The following LRP1B variants were observed in gnomAD, a reference collection of about 807,000 sequenced individuals.
LRP1B encodes LDL receptor related protein 1B.
Under a neutral mutation model 556.6 loss-of-function variants are expected in LRP1B, and 217 were observed. The observed-to-expected ratio is 0.39, with a 90% CI of 0.35 to 0.44. The LOEUF (loss-of-function observed/expected upper bound fraction) is 0.44, where lower values mean the gene tolerates loss of function less well. Ranked by LOEUF, LRP1B falls within the 20% of genes least tolerant of loss-of-function variation. The probability of loss-of-function intolerance (pLI) is 1.00; values close to 1 mark genes in which losing one functional copy is unlikely to be tolerated. For missense variants in LRP1B, 5,053 were observed against 5,620.8 expected (o/e 0.90, Z 3.23); for synonymous variants, 2,047 against 1,865.8 (o/e 1.10, Z -2.50).
chr2:141,810,912 A>C (rs17815364), intron 1 of LRP1B, among the ~76,000 whole-genome samples: 15,169 of 152,034 alleles, frequency 0.1, 836 homozygotes, highest in Middle Eastern at 0.17. Context: ...TGGATACCCA[A>C]TATCACAGTA....
intron 2 of LRP1B, among the ~76,000 whole-genome samples, chr2:141,652,098 C>T (rs1689813417): frequency 6.6e-6 from 1 of 152,158 alleles, no homozygotes; most frequent in African/African-American, 2.4e-5. Context: ...TTACCAGATA[C>T]AGGTCCCAAG....
chr2:140,630,134 A>G (rs1040294995), intron 41 of LRP1B, among the ~76,000 whole-genome samples: 2 of 152,184 alleles, frequency 1.3e-5, no homozygotes, highest in Non-Finnish European at 2.9e-5. Context: ...GGAACTTGTC[A>G]GAAATGCAAA....
intron 6 of LRP1B, among the ~76,000 whole-genome samples, chr2:141,192,762 A>G (rs1362468294): frequency 6.6e-6 from 1 of 151,930 alleles, no homozygotes; most frequent in Non-Finnish European, 1.5e-5. Flanking sequence ...TGAAATATCG[A>G]TAACTCTAAA....
chr2:140,734,816 G>A (rs1275532662), intron 35 of LRP1B, among the ~76,000 whole-genome samples: 1 of 152,136 alleles, frequency 6.6e-6, no homozygotes, highest in Non-Finnish European at 1.5e-5. Flanking sequence ...TGGCTTGATA[G>A]GTGACAGTGA....
At chr2:141,614,336 AAT>A (rs1306961182) in intron 2 of LRP1B, among the ~76,000 whole-genome samples, 1 of 152,152 alleles carries the variant, frequency 6.6e-6, no homozygotes, top group East Asian at 1.9e-4. Flanking sequence ...TGGAGGGGAA[AAT>A]ATAGTGTGTA....
At chr2:141,938,370 C>T (rs561233915) in intron 1 of LRP1B, among the ~76,000 whole-genome samples, 2 of 152,034 alleles carry the variant, frequency 1.3e-5, no homozygotes, top group Non-Finnish European at 2.9e-5. Flanking sequence ...TATCACTAAC[C>T]ATCAGAGAAA....
chr2:140,814,258 A>G (rs967486793), intron 31 of LRP1B, among the ~76,000 whole-genome samples: 2 of 152,184 alleles, frequency 1.3e-5, no homozygotes, highest in Non-Finnish European at 2.9e-5. Context: ...GATAACAGGC[A>G]TGAGCCATGG....
chr2:140,907,898 A>T lies in LRP1B; in HGVS notation c.3499T>A (p.Ser1167Thr), dbSNP rs1694302415. 1 of 1,613,404 alleles carries T rather than the reference A, an allele frequency of 6.2e-7. No homozygotes were observed. Among genetic ancestry groups the T allele is most frequent in the African/African-American group, 1.3e-5 (1 of 74,886 alleles). ...CNGKKDCPDG[S>T]DEGYLCDECS... ...ATACCACAGAGATAGCCTTCATCAG[A>T]GCCATCAGGACAATCCTTTTTCCCA... is the stretch of plus-strand genomic sequence containing the variant. The change falls in exon 22 of 91, where the codon TCT (serine) becomes ACT (threonine). Residue 1167 changes from serine to threonine, a missense_variant. Ser to Thr is a moderately conservative substitution (Grantham distance 58). This residue lies in a region of LRP1B where 3,619 missense variants were observed against 3,931.9 expected (regional missense o/e 0.92). Transcript: ENST00000389484.
At chr2:142,102,423 G>A (rs540417342) in intron 1 of LRP1B, among the ~76,000 whole-genome samples, 2 of 151,870 alleles carry the variant, frequency 1.3e-5, no homozygotes, top group South Asian at 2.1e-4. Flanking sequence ...CATTCCTTTG[G>A]AGACAAATGT....
intron 50 of LRP1B, among the ~76,000 whole-genome samples, chr2:140,516,132 A>G (rs7597305): frequency 0.99 from 149,991 of 152,118 alleles, 73,978 homozygotes; most frequent in Middle Eastern, 1. Flanking sequence ...AGAAGTTTAT[A>G]TATATTATTG....
intron 2 of LRP1B, among the ~76,000 whole-genome samples, chr2:141,640,950 T>C (rs1264323384): frequency 6.6e-6 from 1 of 152,202 alleles, no homozygotes; most frequent in Non-Finnish European, 1.5e-5. Flanking sequence ...GATTTGTCTT[T>C]GTATCCTTGG....
intron 3 of LRP1B, among the ~76,000 whole-genome samples, chr2:141,334,705 C>T (rs1687782319): frequency 6.6e-6 from 1 of 152,256 alleles, no homozygotes. Context: ...GCACCCACCA[C>T]TATGCCAGGC....
At chr2:141,048,819 T>A (rs1310236879) in intron 11 of LRP1B, among the ~76,000 whole-genome samples, 167 bp downstream of exon 11, 1 of 152,126 alleles carries the variant, frequency 6.6e-6, no homozygotes, top group African/African-American at 2.4e-5. Flanking sequence ...CACTGGTATA[T>A]GAAAACAGAG....
chr2:141,649,364 C>T (rs927078699), intron 2 of LRP1B, among the ~76,000 whole-genome samples: 2 of 152,150 alleles, frequency 1.3e-5, no homozygotes, highest in Non-Finnish European at 2.9e-5. Flanking sequence ...AAATTCAAAA[C>T]CAAGAAGTAA....
At chr2:140,704,353 G>A (rs1686751353) in intron 37 of LRP1B, among the ~76,000 whole-genome samples, 1 of 152,004 alleles carries the variant, frequency 6.6e-6, no homozygotes, top group Non-Finnish European at 1.5e-5. Context: ...AAAATGCTGT[G>A]TAAAATAAAC....
intron 1 of LRP1B, among the ~76,000 whole-genome samples, chr2:141,939,170 GGTTAT>G (rs1304448482): frequency 1.3e-5 from 2 of 151,750 alleles, no homozygotes; most frequent in Non-Finnish European, 2.9e-5. Context: ...GTGAGGAGAT[GGTTAT>G]GTTAATTTGC....
rs998104179 is a variant in LRP1B at position 141,899,454 on chromosome 2, A to G, written c.83-89053T>C. Among the ~76,000 whole-genome samples, 3 of 152,132 alleles carry G rather than the reference A, an allele frequency of 2.0e-5. No individual in the cohort carries two copies. In the South Asian group the frequency reaches 6.2e-4, roughly 31 times the overall value. ...GTCTCTTTGCCTACTTTTCTGTTAA[A>G]AGAAATTGCCAAGTTTATAAATGAG... On this transcript the variant is annotated intron_variant, in intron 1 of 90. Coordinates refer to ENST00000389484, the MANE Select transcript of LRP1B (RefSeq NM_018557.3).
At chr2:140,732,903 A>G (rs2105503120) in intron 35 of LRP1B, among the ~76,000 whole-genome samples, 1 of 152,298 alleles carries the variant, frequency 6.6e-6, no homozygotes, top group South Asian at 2.1e-4. Flanking sequence ...GAACATCTTA[A>G]GAAGGGTAGA....
intron 60 of LRP1B, among the ~76,000 whole-genome samples, chr2:140,459,588 A>C (rs1031500969): frequency 6.6e-6 from 1 of 152,244 alleles, no homozygotes; most frequent in Non-Finnish European, 1.5e-5. Flanking sequence ...CAGTAACTAC[A>C]GGTGATATTT....
Sources: allele counts gnomAD v4.1 joint callset (sites outside exome capture counted in the v4.1 genomes callset), GRCh38; gene constraint gnomAD v4.1.1; regional missense constraint gnomAD v4.1.1; transcripts MANE v1.5; gene names NCBI Gene and HGNC (gene_info 2026-07-23, HGNC 2026-07-21).